Variants in UBTD2 observed in about 807,000 individuals in gnomAD.
The protein encoded by UBTD2 is ubiquitin domain-containing protein 2.
Under a neutral mutation model 19.8 loss-of-function variants are expected in UBTD2, and 9 were observed. The ratio of observed to expected loss-of-function variants is 0.46; its 90% CI spans 0.27 to 0.79. UBTD2 has a LOEUF of 0.79. Ranked by LOEUF, UBTD2 falls within the 30% of genes least tolerant of loss-of-function variation. The pLI, the probability that UBTD2 is intolerant of heterozygous loss-of-function variation, is 0.14. For missense variants in UBTD2, 250 were observed against 300.4 expected, an observed-to-expected ratio of 0.83 and a Z score of 1.24; for synonymous variants, 98 against 103.9, an observed-to-expected ratio of 0.94 and a Z score of 0.35.
intron 1 of UBTD2, among the ~76,000 whole-genome samples, chr5:172,258,005 T>C (rs1260442333): frequency 6.6e-6 from 1 of 152,234 alleles, no homozygotes; most frequent in African/African-American, 2.4e-5. Context: ...AAGCTCTTAG[T>C]TTACTTAGGT....
At chr5:172,240,271 T>C (rs1365191249) in intron 1 of UBTD2, among the ~76,000 whole-genome samples, 4 of 152,168 alleles carry the variant, frequency 2.6e-5, no homozygotes, top group Non-Finnish European at 5.9e-5. Context: ...TTTCAACTTA[T>C]AAGTACTTAG....
intron 2 of UBTD2, among the ~76,000 whole-genome samples, chr5:172,220,212 T>C (rs1401222341): frequency 3.9e-5 from 6 of 152,090 alleles, no homozygotes; most frequent in Non-Finnish European, 8.8e-5. Context: ...ATAATATCAA[T>C]AGGCTAAAGA....
Position 172,211,120 on chromosome 5 carries a change from G to A in UBTD2, c.*710C>T, listed in dbSNP as rs1332932613. On this transcript the variant is annotated 3_prime_UTR_variant, in exon 3 of 3. Coordinates refer to ENST00000393792, the MANE Select transcript of UBTD2 (RefSeq NM_152277.3). The stretch of plus-strand genomic sequence containing the variant: ...ACTCAAGAGACCTGACTGTATTGAT[G>A]AAATTATTGCCTAGTGTTCCAGAAG... The A allele has an allele frequency of 1.3e-5, 2 of 152,142 alleles. No homozygotes were observed. The highest frequency in any genetic ancestry group is 2.9e-5 in the Non-Finnish European group (2 of 68,044). 9.4% of individuals were successfully genotyped at this position (152,142 alleles called of 1,614,324 possible). A position where few individuals can be genotyped will look rare whatever the true frequency, so the allele number is the denominator to read the frequency against.
At chr5:172,237,673 T>C (rs1581218165) in intron 1 of UBTD2, among the ~76,000 whole-genome samples, 1 of 152,258 alleles carries the variant, frequency 6.6e-6, no homozygotes, top group East Asian at 1.9e-4. Flanking sequence ...GGGAAAAAAA[T>C]TAGCATTTAG....
At chr5:172,243,867 A>G (rs772221171) in intron 1 of UBTD2, among the ~76,000 whole-genome samples, 1 of 151,798 alleles carries the variant, frequency 6.6e-6, no homozygotes, top group Non-Finnish European at 1.5e-5. Flanking sequence ...CAGATAATGG[A>G]ATTCTTTTTT....
At chr5:172,278,518 G>A (rs1392435018) in intron 1 of UBTD2, among the ~76,000 whole-genome samples, 2 of 132,192 alleles carry the variant, frequency 1.5e-5, no homozygotes, top group African/African-American at 5.5e-5. Context: ...TCTGCCTCAG[G>A]GGAAAAAAAA....
chr5:172,264,865 G>T (rs564797119), intron 1 of UBTD2, among the ~76,000 whole-genome samples: 1 of 151,846 alleles, frequency 6.6e-6, no homozygotes, highest in Non-Finnish European at 1.5e-5. Flanking sequence ...GACAGAGGGG[G>T]ACCCCATCTC....
At chr5:172,255,047 G>C (rs566197362) in intron 1 of UBTD2, 79 of 517,810 alleles carry the variant, frequency 1.5e-4, no homozygotes, top group African/African-American at 1.3e-3. Flanking sequence ...CCAGGAGAGG[G>C]CAGCTGCCAT....
chr5:172,265,355 G>A lies in UBTD2; in HGVS notation c.70+18241C>T, dbSNP rs184604259. Among the ~76,000 whole-genome samples the A allele has an allele frequency of 2.0e-3, 309 of 151,964 alleles. 5 individuals are homozygous for A. The highest frequency in any genetic ancestry group is 0.018 in the Admixed American group (269 of 15,284). On this transcript the variant is annotated intron_variant, in intron 1 of 2. Coordinates refer to ENST00000393792, the MANE Select transcript of UBTD2 (RefSeq NM_152277.3). ...CGAGTAGTAAACTTTTTTTTGAGAC[G>A]GAGTCTTGCTCTGTCACCCAGGCTG...
At chr5:172,214,864 C>CA (rs1395668114) in intron 2 of UBTD2, among the ~76,000 whole-genome samples, 1 of 152,106 alleles carries the variant, frequency 6.6e-6, no homozygotes, top group Non-Finnish European at 1.5e-5. Context: ...GTCTGGCATG[C>CA]AAAAAACTTA....
rs1164049013 is a variant in UBTD2 at position 172,283,055 on chromosome 5, TCCTCCAGCCGA to T, written c.70+530_70+540del. On this transcript the variant is annotated intron_variant, in intron 1 of 2. Transcript: ENST00000393792. The surrounding 1 kb of genome is among the most constrained non-coding windows in gnomAD (Gnocchi z 4.3). ...TACAATGCCTGCGGCCACTGGAGACTCCTCCAGCCGAGCTCCAGAAACTCGCAGGTTTAAAT... is the reference window on the plus strand; with the variant it reads ...TACAATGCCTGCGGCCACTGGAGACTGCTCCAGAAACTCGCAGGTTTAAAT... 1.3e-5 allele frequency among the ~76,000 whole-genome samples: 2 copies of T among 151,876 alleles called. No individual in the cohort carries two copies. Among genetic ancestry groups the T allele is most frequent in the African/African-American group, 4.8e-5 (2 of 41,304 alleles).
rs192996480 is a variant in UBTD2, at chr5:172,283,424, G to T, written c.70+172C>A. 0.011 allele frequency among the ~76,000 whole-genome samples: 1,732 copies of T among 152,172 alleles called. 24 individuals are homozygous for T. The highest frequency in any genetic ancestry group is 0.038 in the African/African-American group (1,565 of 41,518). The stretch of plus-strand genomic sequence containing the variant: ...TTTTCTTCAGGGCTGGGGCGGGAAG[G>T]GGCGACCCCCGCGGCTGGCAGGACA... On this transcript the variant is annotated intron_variant, in intron 1 of 2. Transcript: ENST00000393792. The surrounding 1 kb of genome is among the most constrained non-coding windows in gnomAD (Gnocchi z 4.3).
At chr5:172,245,589 G>A (rs972337638) in intron 1 of UBTD2, among the ~76,000 whole-genome samples, 1 of 152,090 alleles carries the variant, frequency 6.6e-6, no homozygotes, top group Non-Finnish European at 1.5e-5. Flanking sequence ...GCGCATGCCT[G>A]TAATCCCAGC....
At chr5:172,255,482 T>A in intron 1 of UBTD2, 1 of 381,890 alleles carries the variant, frequency 2.6e-6, no homozygotes. Flanking sequence ...TTGAGAGGTG[T>A]GGTTAGGGAC....
chr5:172,230,001 G>C (rs1286084653), intron 2 of UBTD2, among the ~76,000 whole-genome samples: 1 of 152,146 alleles, frequency 6.6e-6, no homozygotes, highest in Non-Finnish European at 1.5e-5. Context: ...AAGACAATGA[G>C]TAATAACATG....
At chr5:172,249,401 GAAAAAAA>G (rs756803780) in intron 1 of UBTD2, among the ~76,000 whole-genome samples, 2,003 of 63,352 alleles carry the variant, frequency 0.032, 43 homozygotes, top group African/African-American at 0.11. Flanking sequence ...TCCGTCTCAT[GAAAAAAA>G]AAAAAAAAAA....
chr5:172,256,516 G>A (rs1419340847), intron 1 of UBTD2, among the ~76,000 whole-genome samples: 1 of 143,232 alleles, frequency 7.0e-6, no homozygotes, highest in African/African-American at 2.7e-5. Context: ...ACAGGTGCAT[G>A]CCACCATGCC....
intron 2 of UBTD2, among the ~76,000 whole-genome samples, chr5:172,213,785 T>C (rs6556003): frequency 0.33 from 50,365 of 151,730 alleles, 8,448 homozygotes; most frequent in South Asian, 0.42. Flanking sequence ...CATACCTTTT[T>C]TTTTTCTTTT....
intron 2 of UBTD2, 127 bp from the exon 3 acceptor site, chr5:172,212,354 G>T: frequency 1.0e-6 from 1 of 958,580 alleles, no homozygotes. Flanking sequence ...ACTCTCAGCT[G>T]ATCATCAATG....
Sources: allele counts gnomAD v4.1 joint callset (sites outside exome capture counted in the v4.1 genomes callset), GRCh38; gene constraint gnomAD v4.1.1; non-coding constraint Gnocchi (gnomAD v3.1); transcripts MANE v1.5; gene names NCBI Gene and HGNC (gene_info 2026-07-23, HGNC 2026-07-21).